The following CDC123 variants were observed in gnomAD, a reference collection of about 807,000 sequenced individuals.
CDC123 encodes the protein translation initiation factor eIF2 assembly protein.
CDC123 carries 37 observed loss-of-function variants against 54.4 expected under a neutral mutation model. The observed-to-expected ratio is 0.68, with a 90% CI of 0.52 to 0.89. CDC123 has a LOEUF of 0.89. Among genes scored for constraint, CDC123 ranks in the 40% least tolerant of loss-of-function variants. The pLI, the probability that CDC123 is intolerant of heterozygous loss-of-function variation, is 0.00. For missense variants in CDC123, 361 were observed against 412.1 expected (o/e 0.88, Z 1.07); for synonymous variants, 144 against 136.8 (o/e 1.05, Z -0.37).
rs1197786067 is a variant in CDC123 at position 12,217,467 on chromosome 10, CGTAA to C, written c.440+4_440+7del. 5.6e-6 allele frequency: 9 copies of C among 1,612,732 alleles called. No homozygotes were observed. Among genetic ancestry groups the C allele is most frequent in the African/African-American group, 1.3e-5 (1 of 74,866 alleles). ...TTCATCACTCGTGACTTCACTCAGC[CGTAA>C]GTATCTCTTATTCTCTCATGTCAAT... On this transcript the variant is annotated splice_donor_variant and splice_donor_region_variant and intron_variant, in intron 6 of 12. Transcript: ENST00000281141. LOFTEE classifies it high-confidence loss of function.
intron 10 of CDC123, among the ~76,000 whole-genome samples, chr10:12,240,261 T>A (rs1404237639): frequency 6.6e-6 from 1 of 152,180 alleles, no homozygotes; most frequent in East Asian, 1.9e-4. Context: ...TTTAGGTCAC[T>A]AAATGCTGTT....
intron 2 of CDC123, among the ~76,000 whole-genome samples, chr10:12,200,985 C>T (rs1224521435): frequency 6.6e-6 from 1 of 152,148 alleles, no homozygotes; most frequent in Admixed American, 6.5e-5. Context: ...TACAGTAACC[C>T]ACAAATCACA....
chr10:12,212,762 T>G lies in CDC123; in HGVS notation c.237+2440T>G, dbSNP rs142265978. Among the ~76,000 whole-genome samples the G allele has an allele frequency of 7.8e-3, 1,189 of 152,160 alleles. 9 individuals carry two copies. The highest frequency in any genetic ancestry group is 0.027 in the African/African-American group (1,121 of 41,514). ...TCATTCAGCCTCCCCAAGGGAAAAA[T>G]GAAATTACCTTCAGGCCGTGTGCAT... On this transcript the variant is annotated intron_variant, in intron 4 of 12. Coordinates refer to ENST00000281141, the MANE Select transcript of CDC123 (RefSeq NM_006023.3).
At position 12,215,883 on chromosome 10, in the gene CDC123, T is replaced by G. The variant is rs549689666; in HGVS notation, c.333+48T>G. The G allele has an allele frequency of 1.7e-5, 22 of 1,270,980 alleles. No individual in the cohort carries two copies. The East Asian group carries it at 5.1e-4, about 30-fold the overall frequency. 78.7% of individuals were successfully genotyped at this position (1,270,980 alleles called of 1,614,324 possible). A position where few individuals can be genotyped will look rare whatever the true frequency, so the allele number is the denominator to read the frequency against. On this transcript the variant is annotated intron_variant, in intron 5 of 12. Coordinates refer to ENST00000281141, the MANE Select transcript of CDC123 (RefSeq NM_006023.3). ...CTTACTGTTTGAATATTCTTTGTTTTGCTGTTTATTTCATTTCATATCCCT... is the reference window on the plus strand; with the variant it reads ...CTTACTGTTTGAATATTCTTTGTTTGGCTGTTTATTTCATTTCATATCCCT...
intron 4 of CDC123, among the ~76,000 whole-genome samples, chr10:12,212,045 G>A (rs11257599): frequency 0.021 from 3,193 of 152,074 alleles, 100 homozygotes; most frequent in African/African-American, 0.072. Context: ...CCAAGATTGC[G>A]CCACTGCACT....
chr10:12,222,198 G>C (rs528506791), intron 6 of CDC123, among the ~76,000 whole-genome samples: 30 of 152,336 alleles, frequency 2.0e-4, no homozygotes, highest in African/African-American at 7.2e-4. Flanking sequence ...GCTGAAGATG[G>C]GAATCCTGGA....
chr10:12,207,881 G>A (rs1835542618), intron 2 of CDC123, among the ~76,000 whole-genome samples: 1 of 152,316 alleles, frequency 6.6e-6, no homozygotes, highest in East Asian at 1.9e-4. Context: ...AAGGGGCTGA[G>A]GAGAATTAGT....
intron 6 of CDC123, among the ~76,000 whole-genome samples, chr10:12,224,083 A>G (rs1399553391): frequency 6.6e-6 from 1 of 152,000 alleles, no homozygotes; most frequent in Admixed American, 6.6e-5. Flanking sequence ...TTCATAGCTT[A>G]GCTCCCACTT....
chr10:12,214,892 A>T (rs1433298970), intron 4 of CDC123, among the ~76,000 whole-genome samples: 1 of 152,180 alleles, frequency 6.6e-6, no homozygotes, highest in African/African-American at 2.4e-5. Flanking sequence ...GGTATAAATG[A>T]AAATTAATGA....
At chr10:12,205,347 A>G (rs946937858) in intron 2 of CDC123, among the ~76,000 whole-genome samples, 28 of 152,156 alleles carry the variant, frequency 1.8e-4, no homozygotes, top group Middle Eastern at 3.2e-3. Context: ...GTGGCTTCCA[A>G]ATCTTAGCTA....
chr10:12,209,240 A>C (rs2399795), intron 2 of CDC123, among the ~76,000 whole-genome samples: 150,808 of 152,012 alleles, frequency 0.99, 74,826 homozygotes, highest in East Asian at 1. Flanking sequence ...TCATTTATTT[A>C]TTTCTTCTTT....
chr10:12,209,938 T>G lies in CDC123; in HGVS notation c.147-29T>G, dbSNP rs1377854635. On this transcript the variant is annotated intron_variant, in intron 2 of 12. Coordinates refer to ENST00000281141, the MANE Select transcript of CDC123 (RefSeq NM_006023.3). ...AGCATGCGGTGCCCAAGTCCTTTTC[T>G]TTCTTGATGTTTGTTTGTGTTTTTT... The G allele has an allele frequency of 2.5e-6, 4 of 1,612,848 alleles. No individual in the cohort carries two copies. In the East Asian group the frequency reaches 8.9e-5, roughly 36 times the overall value.
intron 10 of CDC123, among the ~76,000 whole-genome samples, chr10:12,242,372 A>C (rs1233391841): frequency 6.6e-6 from 1 of 152,132 alleles, no homozygotes. Flanking sequence ...CTTGAAGCAA[A>C]ATACCCTGCA....
intron 6 of CDC123, among the ~76,000 whole-genome samples, chr10:12,227,276 G>GGGGAGAGGGGGA (rs1326514468): frequency 6.7e-6 from 1 of 150,230 alleles, no homozygotes; most frequent in Non-Finnish European, 1.5e-5. Context: ...GATAGACCAT[G>GGGGAGAGGGGGA]GGGAGAGGGG....
intron 6 of CDC123, among the ~76,000 whole-genome samples, chr10:12,227,982 C>T (rs569749275): frequency 2.9e-4 from 44 of 152,240 alleles, no homozygotes; most frequent in African/African-American, 1.0e-3. Context: ...TCACTCTGGG[C>T]TAGAGTGCAA....
At chr10:12,233,278 TACACACAC>T (rs57596982) in intron 7 of CDC123, among the ~76,000 whole-genome samples, 2,323 of 145,656 alleles carry the variant, frequency 0.016, 36 homozygotes, top group African/African-American at 0.042. Context: ...GTATTTAAAA[TACACACAC>T]ACACACACAC....
At chr10:12,214,606 C>G (rs1835640896) in intron 4 of CDC123, among the ~76,000 whole-genome samples, 1 of 152,168 alleles carries the variant, frequency 6.6e-6, no homozygotes, top group African/African-American at 2.4e-5. Context: ...ATTCCCTAGC[C>G]TTTTGCTCAA....
rs764531888 is a variant in CDC123 at position 12,250,404 on chromosome 10, A to G, written c.*67A>G. 8.0e-7 allele frequency: 1 copy of G among 1,246,056 alleles called. No individual in the cohort carries two copies. Among genetic ancestry groups the G allele is most frequent in the South Asian group, 1.2e-5 (1 of 83,596 alleles). 77.2% of individuals were successfully genotyped at this position (1,246,056 alleles called of 1,614,324 possible). Reference sequence around the variant, plus strand: ...GCTCCGGGAGCTGCTCATCAGCCGCAACTTCCTGCCGACCCTGATGCGGGT... The same window carrying G: ...GCTCCGGGAGCTGCTCATCAGCCGCGACTTCCTGCCGACCCTGATGCGGGT... On this transcript the variant is annotated 3_prime_UTR_variant, in exon 13 of 13. Transcript: ENST00000281141.
chr10:12,225,660 A>G (rs920394084), intron 6 of CDC123, among the ~76,000 whole-genome samples: 5 of 151,570 alleles, frequency 3.3e-5, no homozygotes, highest in Non-Finnish European at 7.4e-5. Flanking sequence ...AAATCACCCA[A>G]TACCATCTGC....
Sources: allele counts gnomAD v4.1 joint callset (sites outside exome capture counted in the v4.1 genomes callset), GRCh38; gene constraint gnomAD v4.1.1; transcripts MANE v1.5; gene names NCBI Gene and HGNC (gene_info 2026-07-23, HGNC 2026-07-21).